The following ZSCAN4 variants were observed in gnomAD, a reference collection of about 807,000 sequenced individuals.
ZSCAN4 encodes zinc finger and SCAN domain-containing protein 4.
Under a neutral mutation model 18.3 loss-of-function variants are expected in ZSCAN4, and 18 were observed. That is an observed-to-expected ratio of 0.98 (90% CI 0.68 to 1.46). The LOEUF (loss-of-function observed/expected upper bound fraction) is 1.46. Ranked by LOEUF, ZSCAN4 falls within the 40% of genes most tolerant of loss-of-function variation. ZSCAN4 has a pLI of 0.00. For synonymous variants in ZSCAN4, 193 were observed against 180.3 expected (o/e 1.07, Z -0.57); for missense variants, 498 against 511.4 (o/e 0.97, Z 0.25).
chr19:57,669,252 G>T (rs1983944569), intron 1 of ZSCAN4, 49 bp downstream of exon 1: 1 of 151,632 alleles, frequency 6.6e-6, no homozygotes, highest in Non-Finnish European at 1.5e-5. Flanking sequence ...ATAGAAACCG[G>T]GTTTAACCAT....
the ZSCAN4 span, among the ~76,000 whole-genome samples, chr19:57,657,042 T>A: frequency 6.6e-6 from 1 of 151,592 alleles, no homozygotes; most frequent in Non-Finnish European, 1.5e-5. Context: ...GGACAGGAGT[T>A]CAACATCAGC....
At chr19:57,671,636 A>G (rs1405676238) in intron 2 of ZSCAN4, among the ~76,000 whole-genome samples, 1 of 152,160 alleles carries the variant, frequency 6.6e-6, no homozygotes, top group African/African-American at 2.4e-5. Flanking sequence ...CTTTTCCCTG[A>G]GGGCAAAGGG....
the ZSCAN4 span, among the ~76,000 whole-genome samples, chr19:57,651,690 C>T: frequency 6.6e-6 from 1 of 152,170 alleles, no homozygotes; most frequent in Non-Finnish European, 1.5e-5. Flanking sequence ...GGAGGAATCC[C>T]TTTTTGCAAC....
chr19:57,663,343 C>G, the ZSCAN4 span, among the ~76,000 whole-genome samples: 5 of 151,470 alleles, frequency 3.3e-5, no homozygotes, highest in Admixed American at 3.3e-4. Flanking sequence ...CACATACACA[C>G]ACATTTCCTT....
chr19:57,652,513 C>T, the ZSCAN4 span, among the ~76,000 whole-genome samples: 28,156 of 151,934 alleles, frequency 0.19, 3,341 homozygotes, highest in African/African-American at 0.34. Flanking sequence ...CTTCCTCCTC[C>T]GATTTTGACC....
chr19:57,658,384 A>G, the ZSCAN4 span, among the ~76,000 whole-genome samples: 2 of 152,222 alleles, frequency 1.3e-5, no homozygotes, highest in African/African-American at 2.4e-5. Context: ...AACCTTCTCT[A>G]TCAGGATTGT....
the ZSCAN4 span, among the ~76,000 whole-genome samples, chr19:57,657,336 A>G: frequency 6.6e-6 from 1 of 152,114 alleles, no homozygotes; most frequent in African/African-American, 2.4e-5. Context: ...ATTTTTCACT[A>G]AAGATGATAT....
chr19:57,653,848 G>A, the ZSCAN4 span, among the ~76,000 whole-genome samples: 2 of 152,146 alleles, frequency 1.3e-5, no homozygotes, highest in Non-Finnish European at 2.9e-5. Flanking sequence ...GGTATCAAGG[G>A]ACACTGGAAG....
chr19:57,663,694 T>C, the ZSCAN4 span, among the ~76,000 whole-genome samples: 22 of 114,840 alleles, frequency 1.9e-4, no homozygotes, highest in African/African-American at 8.1e-4. Context: ...GTGACAAGAG[T>C]GACAACCTGT....
the ZSCAN4 span, among the ~76,000 whole-genome samples, chr19:57,654,156 G>A: frequency 6.6e-6 from 1 of 152,058 alleles, no homozygotes; most frequent in Non-Finnish European, 1.5e-5. Context: ...AACATAAACA[G>A]ACTGGCCCCC....
chr19:57,676,181 A>G, exon 3 of ZSCAN4: 1 of 1,613,878 alleles, frequency 6.2e-7, no homozygotes, highest in Non-Finnish European at 8.5e-7. Context: ...TTCAGTGTGA[A>G]CCATCCGAGA....
At chr19:57,662,126 T>G in the ZSCAN4 span, among the ~76,000 whole-genome samples, 1 of 151,244 alleles carries the variant, frequency 6.6e-6, no homozygotes, top group Non-Finnish European at 1.5e-5. Flanking sequence ...AATTGTAAAT[T>G]TGTAAATCAT....
chr19:57,676,549 C>G lies in ZSCAN4; in HGVS notation c.396+8C>G, dbSNP rs377541631. 4 of 1,600,938 alleles carry G rather than the reference C, an allele frequency of 2.5e-6. No homozygotes were observed. The highest frequency in any genetic ancestry group is 1.3e-5 in the African/African-American group (1 of 74,188). The stretch of plus-strand genomic sequence containing the variant: ...ATAAATCCACCTGCCTTAGTGAGTA[C>G]AGGGTTCTAACTTCTGGGATGAGAG... On this transcript the variant is annotated splice_region_variant and intron_variant, in intron 3 of 4. Transcript: ENST00000318203.
the ZSCAN4 span, among the ~76,000 whole-genome samples, chr19:57,658,165 G>A: frequency 1.3e-5 from 2 of 152,130 alleles, no homozygotes; most frequent in Non-Finnish European, 2.9e-5. Flanking sequence ...CCTCATAAAT[G>A]TCAAGGAGGG....
At chr19:57,657,309 G>C in the ZSCAN4 span, among the ~76,000 whole-genome samples, 3 of 148,294 alleles carry the variant, frequency 2.0e-5, no homozygotes, top group Non-Finnish European at 3.0e-5. Context: ...AAAAAAAAAG[G>C]CAAAATATTT....
chr19:57,661,164 A>G, the ZSCAN4 span, among the ~76,000 whole-genome samples: 1 of 152,162 alleles, frequency 6.6e-6, no homozygotes, highest in Non-Finnish European at 1.5e-5. Flanking sequence ...TTCTCTTAAT[A>G]TTAAAATATT....
the ZSCAN4 span, among the ~76,000 whole-genome samples, chr19:57,658,667 C>G: frequency 4.6e-5 from 7 of 151,936 alleles, no homozygotes; most frequent in Admixed American, 2.6e-4. Flanking sequence ...AACCCCGTCC[C>G]TACTAAAAAG....
At chr19:57,654,948 A>G in the ZSCAN4 span, among the ~76,000 whole-genome samples, 2 of 152,140 alleles carry the variant, frequency 1.3e-5, no homozygotes, top group African/African-American at 4.8e-5. Context: ...CAATACATCA[A>G]TAACACCCTT....
exon 3 of ZSCAN4, chr19:57,676,215 G>T (rs1351153839): frequency 6.2e-7 from 1 of 1,614,116 alleles, no homozygotes; most frequent in Admixed American, 1.7e-5. Context: ...AGAAAATTCA[G>T]CGTTTCAACA....
Sources: gnomAD v4.1 joint callset for allele counts (sites outside exome capture counted in the v4.1 genomes callset) on GRCh38, gnomAD v4.1.1 for gene constraint, MANE v1.5 for transcripts, NCBI Gene and HGNC (gene_info 2026-07-23, HGNC 2026-07-21) for gene names.